Variants in SCRN3 observed in about 807,000 individuals in gnomAD.
The protein encoded by SCRN3 is secernin-3.
Under a neutral mutation model 43.1 loss-of-function variants are expected in SCRN3, and 39 were observed. The ratio of observed to expected loss-of-function variants is 0.91; its 90% confidence interval spans 0.70 to 1.18. SCRN3 has a LOEUF of 1.18. Ranked by LOEUF, SCRN3 falls within the 50% of genes most tolerant of loss-of-function variation. The pLI, the probability that SCRN3 is intolerant of heterozygous loss-of-function variation, is 0.00. For synonymous variants in SCRN3, 147 were observed against 163.1 expected (o/e 0.90, Z 0.75); for missense variants, 484 against 498.0 (o/e 0.97, Z 0.27).
Position 174,413,971 on chromosome 2 carries a change from A to G in SCRN3, c.755-8914A>G, listed in dbSNP as rs1559079225. Among the ~76,000 whole-genome samples the G allele has an allele frequency of 3.9e-5, 6 of 152,272 alleles. No individual in the cohort carries two copies. The South Asian group carries it at 1.2e-3, about 32-fold the overall frequency. ...ACCAAAGTTTTCTATTGCTGTCTGC[A>G]TAGAATGACACAGCATTGACCATGG... On this transcript the variant is annotated intron_variant, in intron 5 of 7. Coordinates refer to ENST00000272732, the MANE Select transcript of SCRN3 (RefSeq NM_024583.5).
intron 5 of SCRN3, among the ~76,000 whole-genome samples, chr2:174,405,656 A>G (rs1257198596): frequency 6.9e-6 from 1 of 145,672 alleles, no homozygotes; most frequent in Non-Finnish European, 1.5e-5. Context: ...GGAGGGATCC[A>G]GTTTCAGCTT....
chr2:174,401,448 G>A (rs1359364064), intron 4 of SCRN3, among the ~76,000 whole-genome samples: 1 of 152,064 alleles, frequency 6.6e-6, no homozygotes, highest in Non-Finnish European at 1.5e-5. Context: ...TGCAGCTCTT[G>A]GCCATTTCAT....
Position 174,404,038 on chromosome 2 carries a change from C to G in SCRN3, c.542-65C>G, listed in dbSNP as rs1685593539. 3.2e-6 allele frequency: 4 copies of G among 1,266,682 alleles called. No homozygotes were observed. The African/African-American group carries it at 4.5e-5, about 14-fold the overall frequency. The allele number at this position is 1,266,682 out of a possible 1,614,324, so 78.5% of individuals were successfully genotyped here. On this transcript the variant is annotated intron_variant, in intron 4 of 7. Coordinates refer to ENST00000272732, the MANE Select transcript of SCRN3 (RefSeq NM_024583.5). ...CATAGTGATTAGGAATCATGATATA[C>G]AGATACATGCTTTATGTTAAATATG...
At chr2:174,426,617 C>G (rs539152298) in intron 7 of SCRN3, among the ~76,000 whole-genome samples, 7 of 152,010 alleles carry the variant, frequency 4.6e-5, no homozygotes, top group African/African-American at 1.4e-4. Flanking sequence ...ACTAAAACTA[C>G]AAAAATTAGC....
chr2:174,404,405 A>G, intron 5 of SCRN3, 90 bp downstream of exon 5: 2 of 799,694 alleles, frequency 2.5e-6, no homozygotes, highest in South Asian at 2.2e-5. Context: ...TTGGGGAATT[A>G]TAATTAGTAA....
At chr2:174,399,051 A>G (rs992023440) in intron 2 of SCRN3, among the ~76,000 whole-genome samples, 13 of 152,230 alleles carry the variant, frequency 8.5e-5, no homozygotes, top group African/African-American at 2.7e-4. Context: ...ACTTGGTAGT[A>G]TACACATTAA....
chr2:174,400,731 G>C (rs896164429), intron 3 of SCRN3, among the ~76,000 whole-genome samples: 5 of 152,220 alleles, frequency 3.3e-5, no homozygotes, highest in African/African-American at 9.6e-5. Flanking sequence ...TTACAAATGA[G>C]ATATCTGAGG....
chr2:174,414,551 C>T (rs1686035698), intron 5 of SCRN3, among the ~76,000 whole-genome samples: 1 of 152,052 alleles, frequency 6.6e-6, no homozygotes, highest in Non-Finnish European at 1.5e-5. Context: ...AGAACATTCT[C>T]ATTTTTTAAA....
intron 5 of SCRN3, among the ~76,000 whole-genome samples, chr2:174,411,863 A>G (rs899438314): frequency 3.9e-5 from 6 of 152,112 alleles, no homozygotes; most frequent in South Asian, 2.1e-4. Flanking sequence ...AGAGGTTGCA[A>G]TGAGCCGAGA....
intron 1 of SCRN3, chr2:174,397,216 T>C (rs533981780): frequency 3.9e-4 from 379 of 967,882 alleles, no homozygotes; most frequent in Non-Finnish European, 4.5e-4. Flanking sequence ...AGGAAACATT[T>C]ATTATATTTA....
chr2:174,424,209 A>G (rs117462235), intron 6 of SCRN3, among the ~76,000 whole-genome samples: 3 of 152,308 alleles, frequency 2.0e-5, no homozygotes, highest in East Asian at 1.9e-4. Context: ...AAGACAAACT[A>G]TTACTTTGCT....
chr2:174,412,373 C>G (rs1388718444), intron 5 of SCRN3, among the ~76,000 whole-genome samples: 1 of 147,506 alleles, frequency 6.8e-6, no homozygotes, highest in African/African-American at 2.5e-5. Context: ...TTTCTGCTTT[C>G]TTTCTGTCTT....
intron 7 of SCRN3, 44 bp from the exon 8 acceptor site, chr2:174,427,669 G>T: frequency 8.2e-7 from 1 of 1,223,908 alleles, no homozygotes; most frequent in African/African-American, 1.5e-5. Flanking sequence ...TTAGATTTAT[G>T]TGTATATGTA....
chr2:174,398,173 A>T, intron 1 of SCRN3, 102 bp from the exon 2 acceptor site: 1 of 680,260 alleles, frequency 1.5e-6, no homozygotes, highest in Non-Finnish European at 2.3e-6. Flanking sequence ...AACATCCTTA[A>T]TTAGATATGG....
chr2:174,397,760 T>C (rs758242190), intron 1 of SCRN3, among the ~76,000 whole-genome samples: 20 of 152,148 alleles, frequency 1.3e-4, no homozygotes, highest in Non-Finnish European at 2.6e-4. Context: ...TTTACAACAA[T>C]AGAGCTAGGT....
At chr2:174,399,455 C>G (rs1217667724) in intron 2 of SCRN3, among the ~76,000 whole-genome samples, 1 of 152,204 alleles carries the variant, frequency 6.6e-6, no homozygotes, top group African/African-American at 2.4e-5. Context: ...TCAAGAAACA[C>G]TGGATATTGA....
rs1398684211 is a variant in SCRN3 at position 174,424,424 on chromosome 2, G to A, written c.918-51G>A. On this transcript the variant is annotated intron_variant, in intron 6 of 7. Coordinates refer to ENST00000272732, the MANE Select transcript of SCRN3 (RefSeq NM_024583.5). The stretch of plus-strand genomic sequence containing the variant: ...ATCTTAGAAGACTTAGACTAACACT[G>A]AATATTTTTATATATTGACATGATA... 3.9e-6 allele frequency: 5 copies of A among 1,294,146 alleles called. No individual in the cohort carries two copies. The South Asian group carries it at 7.1e-5, about 18-fold the overall frequency. 80.2% of individuals were successfully genotyped at this position (1,294,146 alleles called of 1,614,324 possible).
chr2:174,402,942 T>G (rs750459308), intron 4 of SCRN3, among the ~76,000 whole-genome samples: 18 of 152,132 alleles, frequency 1.2e-4, no homozygotes, highest in Non-Finnish European at 2.5e-4. Flanking sequence ...ATTTTGTATT[T>G]TAGTTGAAAA....
chr2:174,409,828 A>G (rs1361294502), intron 5 of SCRN3, among the ~76,000 whole-genome samples: 1 of 142,296 alleles, frequency 7.0e-6, no homozygotes, highest in African/African-American at 2.5e-5. Flanking sequence ...TCAGATCTCC[A>G]GCTGCGTGCT....
Sources: gnomAD v4.1 joint callset for allele counts (sites outside exome capture counted in the v4.1 genomes callset) on GRCh38, gnomAD v4.1.1 for gene constraint, MANE v1.5 for transcripts, NCBI Gene and HGNC (gene_info 2026-07-23, HGNC 2026-07-21) for gene names.